Variants in DAB1 observed in about 807,000 individuals in gnomAD.
The protein encoded by DAB1 is DAB adaptor protein 1, also known as disabled homolog 1.
DAB1 carries 15 observed loss-of-function variants against 64.6 expected under a neutral mutation model. The observed-to-expected ratio is 0.23, with a 90% CI of 0.16 to 0.36. The LOEUF (loss-of-function observed/expected upper bound fraction) is 0.36, where lower values mean the gene tolerates loss of function less well. Ranked by LOEUF, DAB1 falls within the 10% of genes least tolerant of loss-of-function variation. The pLI is 1.00. For synonymous variants in DAB1, 235 were observed against 251.9 expected (o/e 0.93, Z 0.64); for missense variants, 596 against 706.7 (o/e 0.84, Z 1.78).
At chr1:57,676,775 A>G (rs1190759561) in intron 6 of DAB1, among the ~76,000 whole-genome samples, 1 of 152,184 alleles carries the variant, frequency 6.6e-6, no homozygotes, top group African/African-American at 2.4e-5. Context: ...TTTAAGTGCT[A>G]TCTCCTCCGC....
chr1:58,258,143 G>A (rs903804865), intron 4 of DAB1, among the ~76,000 whole-genome samples: 4 of 152,226 alleles, frequency 2.6e-5, no homozygotes, highest in South Asian at 2.1e-4. Context: ...GCATTGTTAC[G>A]GCGGGTGTCT....
intron 1 of DAB1, among the ~76,000 whole-genome samples, chr1:57,352,258 G>A (rs1678648280): frequency 1.3e-5 from 2 of 151,962 alleles, no homozygotes; most frequent in African/African-American, 4.8e-5. Flanking sequence ...TTTATCATCT[G>A]GAAATGGGTA....
intron 4 of DAB1, among the ~76,000 whole-genome samples, chr1:58,328,813 C>A (rs939662222): frequency 1.3e-5 from 2 of 152,108 alleles, no homozygotes; most frequent in Non-Finnish European, 2.9e-5. Flanking sequence ...ACCATGTTGG[C>A]CAGGTTGGTC....
intron 1 of DAB1, among the ~76,000 whole-genome samples, chr1:57,400,518 C>T (rs1384774967): frequency 1.3e-5 from 2 of 150,668 alleles, no homozygotes; most frequent in South Asian, 2.1e-4. Flanking sequence ...CTATATGAGG[C>T]AAGATTATTC....
At chr1:57,514,560 G>A (rs1570587737) in intron 7 of DAB1, among the ~76,000 whole-genome samples, 1 of 152,158 alleles carries the variant, frequency 6.6e-6, no homozygotes, top group Admixed American at 6.5e-5. Flanking sequence ...AACAGTGTCA[G>A]GCACATAGCT....
At chr1:58,449,192 C>T (rs904357208) in intron 3 of DAB1, among the ~76,000 whole-genome samples, 1 of 152,148 alleles carries the variant, frequency 6.6e-6, no homozygotes, top group East Asian at 1.9e-4. Context: ...TGAATCTTAG[C>T]CCCCAGGGGT....
intron 3 of DAB1, among the ~76,000 whole-genome samples, chr1:57,141,050 C>A (rs1658544417): frequency 2.0e-5 from 3 of 152,112 alleles, no homozygotes; most frequent in Non-Finnish European, 2.9e-5. Context: ...AGGCTTCAGG[C>A]ATGAATTCTG....
chr1:57,289,852 A>T (rs891216077), intron 2 of DAB1, among the ~76,000 whole-genome samples: 2 of 152,000 alleles, frequency 1.3e-5, no homozygotes, highest in African/African-American at 4.8e-5. Flanking sequence ...GGGAGAAAAC[A>T]CACACACACA....
At chr1:57,810,437 C>T (rs1383018272) in intron 6 of DAB1, among the ~76,000 whole-genome samples, 1 of 152,014 alleles carries the variant, frequency 6.6e-6, no homozygotes, top group Non-Finnish European at 1.5e-5. Flanking sequence ...TGTGAAATAA[C>T]TGTGTGTGTG....
intron 1 of DAB1, among the ~76,000 whole-genome samples, chr1:57,857,860 A>T (rs1168037860): frequency 1.3e-5 from 2 of 151,380 alleles, no homozygotes; most frequent in Admixed American, 6.6e-5. Flanking sequence ...ATACAAAAAA[A>T]AAAAAAGAAA....
chr1:57,052,299 T>C (rs1649272815), intron 9 of DAB1, among the ~76,000 whole-genome samples: 1 of 152,086 alleles, frequency 6.6e-6, no homozygotes, highest in Non-Finnish European at 1.5e-5. Context: ...AGAAACTGAG[T>C]CAAAGGCTGG....
intron 10 of DAB1, among the ~76,000 whole-genome samples, chr1:57,024,367 C>T (rs1031548122): frequency 6.6e-6 from 1 of 152,102 alleles, no homozygotes; most frequent in Non-Finnish European, 1.5e-5. Context: ...GAAATGAAAA[C>T]ATCAGTACTC....
chr1:58,338,620 G>A lies in DAB1; in HGVS notation n.309+4732C>T, dbSNP rs72912379. On this transcript the variant is annotated intron_variant and non_coding_transcript_variant, in intron 4 of 20. Coordinates refer to the DAB1 transcript ENST00000485760. ...ATATCCATGAATAAGACAGACAGTC[G>A]TTGCCCTTGTAGAGTTCATGGTTTT... Among the ~76,000 whole-genome samples, 1,024 of 152,232 alleles carry A rather than the reference G, an allele frequency of 6.7e-3. 15 individuals carry two copies. The highest frequency in any genetic ancestry group is 0.023 in the African/African-American group (960 of 41,530).
In DAB1 at chr1:57,500,306, C is replaced by T. The variant is rs143531376; in HGVS notation, n.625+149286G>A. Among the ~76,000 whole-genome samples the T allele has an allele frequency of 5.8e-3, 878 of 152,316 alleles. 31 individuals carry two copies. Among genetic ancestry groups the T allele is most frequent in the Admixed American group, 0.052 (801 of 15,300 alleles). On this transcript the variant is annotated intron_variant and non_coding_transcript_variant, in intron 7 of 20. Transcript: ENST00000485760. ...TAAATTTCAACGGCAGGAGCCTTAA[C>T]ACAGCTTCACTGTATCTGATGCACA...
chr1:57,033,619 C>A (rs774419704), intron 9 of DAB1: 5 of 1,548,292 alleles, frequency 3.2e-6, no homozygotes, highest in Non-Finnish European at 3.5e-6. Context: ...GAATGACACA[C>A]AAATGACATG....
At chr1:57,960,569 C>T (rs183752653) in intron 5 of DAB1, among the ~76,000 whole-genome samples, 27 of 150,554 alleles carry the variant, frequency 1.8e-4, no homozygotes, top group African/African-American at 5.1e-4. Flanking sequence ...TAAATACATA[C>T]GTTAATACTA....
intron 1 of DAB1, among the ~76,000 whole-genome samples, chr1:57,828,665 A>G (rs1298173837): frequency 6.6e-6 from 1 of 152,252 alleles, no homozygotes; most frequent in East Asian, 1.9e-4. Flanking sequence ...GCAAGGATAG[A>G]CAAAAAGAAA....
intron 5 of DAB1, among the ~76,000 whole-genome samples, chr1:58,090,148 G>A (rs568414239): frequency 6.6e-6 from 1 of 152,316 alleles, no homozygotes; most frequent in South Asian, 2.1e-4. Context: ...GAGAGGAGGT[G>A]CTTGTATTGA....
At chr1:57,144,276 A>C (rs899293818) in intron 3 of DAB1, among the ~76,000 whole-genome samples, 1 of 152,048 alleles carries the variant, frequency 6.6e-6, no homozygotes, top group African/African-American at 2.4e-5. Flanking sequence ...TAAACCATTT[A>C]TTTTTTCAAT....
Sources: allele counts gnomAD v4.1 joint callset (sites outside exome capture counted in the v4.1 genomes callset), GRCh38; gene constraint gnomAD v4.1.1; transcripts MANE v1.5; gene names NCBI Gene and HGNC (gene_info 2026-07-23, HGNC 2026-07-21).